The following SLC2A1 variants were observed in gnomAD, a reference collection of about 807,000 sequenced individuals.
The protein encoded by SLC2A1 is solute carrier family 2, facilitated glucose transporter member 1.
A neutral mutation model predicts 46.6 loss-of-function variants in SLC2A1; 4 were observed. The observed-to-expected ratio is 0.09, with a 90% CI of 0.04 to 0.20. The LOEUF (loss-of-function observed/expected upper bound fraction) is 0.20, where lower values mean the gene tolerates loss of function less well. SLC2A1 is among the 10% of genes least tolerant of loss of function. The probability of loss-of-function intolerance (pLI) is 1.00; values close to 1 mark genes in which losing one functional copy is unlikely to be tolerated. For synonymous variants in SLC2A1, 253 were observed against 270.0 expected, an observed-to-expected ratio of 0.94 and a Z score of 0.62; for missense variants, 352 against 667.0, an observed-to-expected ratio of 0.53 and a Z score of 5.20.
rs1643443772 is a variant in SLC2A1 at position 42,927,806 on chromosome 1, C to T, written c.1077G>A (p.Glu359=). Reference sequence around the variant, plus strand: ...TCAGATAGGACATCCAGGGTAGCTGCTCCTGTTGAGGATGACGGAGAGGGG... The same window carrying T: ...TCAGATAGGACATCCAGGGTAGCTGTTCCTGTTGAGGATGACGGAGAGGGG... ...ILMTIALALL[E]QLPWMSYLSI... is the part of the protein sequence containing the mutation. Residue 359 remains glutamate, a splice_region_variant and synonymous_variant, in exon 9 of 10, where the codon GAG becomes GAA. Transcript: ENST00000426263. The surrounding 1 kb of genome is among the most constrained non-coding windows in gnomAD (Gnocchi z 5.3). The T allele has an allele frequency of 1.2e-6, 2 of 1,611,846 alleles. No individual in the cohort carries two copies. The highest frequency in any genetic ancestry group is 1.7e-6 in the Non-Finnish European group (2 of 1,178,802).
At chr1:42,936,385 C>T (rs1443238370) in intron 2 of SLC2A1, among the ~76,000 whole-genome samples, 2 of 152,214 alleles carry the variant, frequency 1.3e-5, no homozygotes, top group African/African-American at 4.8e-5. Flanking sequence ...CACTGCCCTT[C>T]CCACAAGCTC....
At chr1:42,949,227 G>A (rs537452529) in intron 1 of SLC2A1, among the ~76,000 whole-genome samples, 7 of 152,110 alleles carry the variant, frequency 4.6e-5, no homozygotes, top group African/African-American at 9.7e-5. Flanking sequence ...CAGTCTGGGC[G>A]ACAGAGTGAG....
At position 42,929,165 on chromosome 1, in the gene SLC2A1, T is replaced by G; in HGVS notation, c.972+45A>C. ...GACCAGTGGGGAAGATGGCACTGCCTCCTCCCTGGGGTTTGGCTGGGGGGG... is the reference window on the plus strand; with the variant it reads ...GACCAGTGGGGAAGATGGCACTGCCGCCTCCCTGGGGTTTGGCTGGGGGGG... On this transcript the variant is annotated intron_variant, in intron 7 of 9. Transcript: ENST00000426263. The surrounding 1 kb of genome is among the most constrained non-coding windows in gnomAD (Gnocchi z 6.0). 6.3e-7 allele frequency: 1 copy of G among 1,577,718 alleles called. No homozygotes were observed.
chr1:42,956,753 C>T (rs1643781259), intron 1 of SLC2A1, among the ~76,000 whole-genome samples: 2 of 152,210 alleles, frequency 1.3e-5, no homozygotes, highest in Admixed American at 6.5e-5. Context: ...CAAGGGGCCA[C>T]CTTTGAAGAT....
At position 42,930,487 on chromosome 1, in the gene SLC2A1, C is replaced by T; in HGVS notation, c.516+139G>A. On this transcript the variant is annotated intron_variant, in intron 4 of 9. Transcript: ENST00000426263. This position sits in a 1 kb window ranked among gnomAD's most constrained non-coding sequence, Gnocchi z 6.2. Reference sequence around the variant, plus strand: ...AGGCCATGGTGCTGTGTTCTCTGGACCTGTGTACCATAGTTGTCCTCTGCA... The same window carrying T: ...AGGCCATGGTGCTGTGTTCTCTGGATCTGTGTACCATAGTTGTCCTCTGCA... 8.7e-7 allele frequency: 1 copy of T among 1,153,154 alleles called. No individual in the cohort carries two copies. Among genetic ancestry groups the T allele is most frequent in the Non-Finnish European group, 1.3e-6 (1 of 783,610 alleles). The allele number at this position is 1,153,154 out of a possible 1,614,324, so 71.4% of individuals were successfully genotyped here.
At chr1:42,955,230 G>A (rs941825600) in intron 1 of SLC2A1, among the ~76,000 whole-genome samples, 3 of 152,200 alleles carry the variant, frequency 2.0e-5, no homozygotes, top group South Asian at 2.1e-4. Flanking sequence ...GGACAGAGAC[G>A]TACATTCTTT....
chr1:42,955,172 C>T (rs1362240906), intron 1 of SLC2A1, among the ~76,000 whole-genome samples: 1 of 152,230 alleles, frequency 6.6e-6, no homozygotes, highest in Admixed American at 6.5e-5. Context: ...CCAGGTAAGG[C>T]ATCATGGGAG....
intron 1 of SLC2A1, among the ~76,000 whole-genome samples, chr1:42,947,581 C>CA (rs144784155): frequency 0.34 from 19,111 of 55,500 alleles, 3,627 homozygotes; most frequent in Non-Finnish European, 0.43. Flanking sequence ...CACACACACA[C>CA]AAAAAAAAAA....
Position 42,930,310 on chromosome 1 carries a change from GT to G in SLC2A1, c.517-276del. On this transcript the variant is annotated intron_variant, in intron 4 of 9. Transcript: ENST00000426263. This position sits in a 1 kb window ranked among gnomAD's most constrained non-coding sequence, Gnocchi z 6.2. ...GGGGCTGCTACTCTGCCACAAGAGG[GT>G]TTTGGGGACAGGGAAGGGGAAGCCT... The G allele has an allele frequency of 1.6e-6, 1 of 626,628 alleles. No homozygotes were observed. The highest frequency in any genetic ancestry group is 2.9e-6 in the Non-Finnish European group (1 of 349,188). 38.8% of individuals were successfully genotyped at this position (626,628 alleles called of 1,614,324 possible).
At position 42,929,347 on chromosome 1, in the gene SLC2A1, T is replaced by C. The variant is rs778148747; in HGVS notation, c.868-33A>G. The C allele has an allele frequency of 6.5e-6, 10 of 1,537,898 alleles. No individual in the cohort carries two copies. The highest frequency in any genetic ancestry group is 8.9e-6 in the Non-Finnish European group (10 of 1,123,550). On this transcript the variant is annotated intron_variant, in intron 6 of 9. Transcript: ENST00000426263. This position sits in a 1 kb window ranked among gnomAD's most constrained non-coding sequence, Gnocchi z 6.0. ...ACAAGAGAAACTGTTGGGGCCTACC[T>C]GGACATTGTGGCCCTTCCCTGCCTC... is the stretch of plus-strand genomic sequence containing the variant.
At position 42,957,508 on chromosome 1, in the gene SLC2A1, G is replaced by A. The variant is rs528092971; in HGVS notation, c.18+1126C>T. 1.1e-4 allele frequency among the ~76,000 whole-genome samples: 17 copies of A among 152,274 alleles called. No homozygotes were observed. The East Asian group carries it at 2.7e-3, about 24-fold the overall frequency. ...AGCTAAGAAAACAAGGGCCATCCAG[G>A]TGCCCTCCCAGCTGACGAGATGGAA... On this transcript the variant is annotated intron_variant, in intron 1 of 9. Coordinates refer to ENST00000426263, the MANE Select transcript of SLC2A1 (RefSeq NM_006516.4).
At chr1:42,938,898 A>C (rs1451579525) in intron 2 of SLC2A1, among the ~76,000 whole-genome samples, 3 of 152,156 alleles carry the variant, frequency 2.0e-5, no homozygotes, top group African/African-American at 7.2e-5. Flanking sequence ...AGCACCTTGA[A>C]GCCCTCTGTT....
Position 42,930,803 on chromosome 1 carries a change from C to T in SLC2A1, c.339G>A (p.Ser113=), listed in dbSNP as rs755571737. 67 of 1,601,618 alleles carry T rather than the reference C, an allele frequency of 4.2e-5. No individual in the cohort carries two copies. Among genetic ancestry groups the T allele is most frequent in the Admixed American group, 8.3e-5 (5 of 59,998 alleles). Residue 113 remains serine, a synonymous_variant, in exon 4 of 10, where the codon TCG becomes TCA. Transcript: ENST00000426263. The surrounding 1 kb of genome is among the most constrained non-coding windows in gnomAD (Gnocchi z 6.2). ...AFVSAVLMGF[S]KLGKSFEMLI... The stretch of plus-strand genomic sequence containing the variant: ...GCATCTCAAAGGACTTGCCCAGTTT[C>T]GAGAAGCCCATGAGCACGGCGGACA...
chr1:42,930,226 C>A lies in SLC2A1; in HGVS notation c.517-191G>T. On this transcript the variant is annotated intron_variant, in intron 4 of 9. Coordinates refer to ENST00000426263, the MANE Select transcript of SLC2A1 (RefSeq NM_006516.4). The surrounding 1 kb of genome is among the most constrained non-coding windows in gnomAD (Gnocchi z 6.2). ...TCACATGGGAAAAGTAGGACCTACC[C>A]CACAGTGTTGCTGGGAGGACAAATG... 1 of 680,846 alleles carries A rather than the reference C, an allele frequency of 1.5e-6. No homozygotes were observed. 42.2% of individuals were successfully genotyped at this position (680,846 alleles called of 1,614,324 possible).
rs1643473954 is a variant in SLC2A1, at chr1:42,930,171, A to G, written c.517-136T>C. 1.1e-6 allele frequency: 1 copy of G among 947,516 alleles called. No individual in the cohort carries two copies. The allele number at this position is 947,516 out of a possible 1,614,324, so 58.7% of individuals were successfully genotyped here. On this transcript the variant is annotated intron_variant, in intron 4 of 9. Transcript: ENST00000426263. The surrounding 1 kb of genome is among the most constrained non-coding windows in gnomAD (Gnocchi z 6.2). ...CAGTTCTAGAGGCTCTGCCACTAGCATGAGCCCTGTTTCTCAGTTTCCTCA... is the reference window on the plus strand; with the variant it reads ...CAGTTCTAGAGGCTCTGCCACTAGCGTGAGCCCTGTTTCTCAGTTTCCTCA...
chr1:42,945,747 A>AAAC (rs143388555), intron 1 of SLC2A1, among the ~76,000 whole-genome samples: 45 of 139,188 alleles, frequency 3.2e-4, no homozygotes, highest in East Asian at 1.2e-3. Flanking sequence ...TCAAAAAAAA[A>AAAC]AAAAAACAAA....
chr1:42,956,770 ACT>A (rs1341705897), intron 1 of SLC2A1, among the ~76,000 whole-genome samples: 1 of 152,100 alleles, frequency 6.6e-6, no homozygotes, highest in Non-Finnish European at 1.5e-5. Flanking sequence ...AGATAGGCAA[ACT>A]CTCTCCCTTC....
At chr1:42,948,138 G>A (rs990421239) in intron 1 of SLC2A1, among the ~76,000 whole-genome samples, 2 of 152,084 alleles carry the variant, frequency 1.3e-5, no homozygotes, top group African/African-American at 4.8e-5. Context: ...CCACCGCTGG[G>A]GGTCTCACGA....
chr1:42,942,967 G>A, intron 2 of SLC2A1: 1 of 561,506 alleles, frequency 1.8e-6, no homozygotes, highest in Non-Finnish European at 3.2e-6. Context: ...ACTGAGTTGG[G>A]TGGGGGGTTG....
Sources: gnomAD v4.1 joint callset for allele counts (sites outside exome capture counted in the v4.1 genomes callset) on GRCh38, gnomAD v4.1.1 for gene constraint, Gnocchi (gnomAD v3.1) non-coding constraint, MANE v1.5 for transcripts, NCBI Gene and HGNC (gene_info 2026-07-23, HGNC 2026-07-21) for gene names.